Variants in B4GALT4 observed in about 807,000 individuals in gnomAD.
The protein encoded by B4GALT4 is beta-1,4-galactosyltransferase 4.
B4GALT4 carries 27 observed loss-of-function variants against 37.3 expected under a neutral mutation model. The observed-to-expected ratio is 0.72, with a 90% CI of 0.53 to 1.00. The LOEUF is 1.00. Ranked by LOEUF, B4GALT4 falls within the 50% of genes least tolerant of loss-of-function variation. B4GALT4 has a pLI of 0.00. For missense variants in B4GALT4, 372 were observed against 413.1 expected (o/e 0.90, Z 0.86); for synonymous variants, 148 against 154.1 (o/e 0.96, Z 0.29).
At chr3:119,229,094 T>C (rs1404573658) in intron 3 of B4GALT4, among the ~76,000 whole-genome samples, 2 of 152,052 alleles carry the variant, frequency 1.3e-5, no homozygotes, top group African/African-American at 4.8e-5. Context: ...ATTGAAAAAC[T>C]TACCTAGTCT....
chr3:119,216,357 T>TA lies in B4GALT4; in HGVS notation c.798-14dup, dbSNP rs2078290328. 2 of 1,602,034 alleles carry TA rather than the reference T, an allele frequency of 1.2e-6. No homozygotes were observed. Among genetic ancestry groups the TA allele is most frequent in the East Asian group, 2.2e-5 (1 of 44,762 alleles). ...TTGGAGCTCAACCCTAGAAAAATAA[T>TA]AGAGATTTTTTTAAAGTCCATCCTA... On this transcript the variant is annotated splice_polypyrimidine_tract_variant and intron_variant, in intron 6 of 7. Transcript: ENST00000393765.
intron 1 of B4GALT4, among the ~76,000 whole-genome samples, chr3:119,238,273 A>T (rs2079042984): frequency 6.6e-6 from 1 of 151,220 alleles, no homozygotes; most frequent in Non-Finnish European, 1.5e-5. Context: ...TAAAAAAAAA[A>T]AAAAAAAAAA....
In B4GALT4 at chr3:119,238,393, C is replaced by A. The variant is rs1230804765; in HGVS notation, c.-363-1323G>T. On this transcript the variant is annotated intron_variant, in intron 1 of 7. Coordinates refer to ENST00000393765, the MANE Select transcript of B4GALT4 (RefSeq NM_003778.4). ...TCTTAATTACAGTATTAGGAGAAAA[C>A]TTCTATTTCTTTTGTATCTTCTAAT... 2.6e-5 allele frequency among the ~76,000 whole-genome samples: 4 copies of A among 151,118 alleles called. No homozygotes were observed. In the East Asian group the frequency reaches 7.8e-4, roughly 29 times the overall value.
chr3:119,225,812 C>T (rs2078598874), intron 4 of B4GALT4, among the ~76,000 whole-genome samples: 1 of 152,134 alleles, frequency 6.6e-6, no homozygotes, highest in South Asian at 2.1e-4. Flanking sequence ...ATAACTATGA[C>T]CAACAACCTT....
intron 5 of B4GALT4, 114 bp from the exon 6 acceptor site, chr3:119,218,886 C>T: frequency 8.1e-7 from 1 of 1,234,942 alleles, no homozygotes; most frequent in African/African-American, 1.5e-5. Context: ...CCACCCACTC[C>T]TGCTTCTCCT....
chr3:119,235,967 G>GA (rs549351227), intron 2 of B4GALT4, among the ~76,000 whole-genome samples: 4 of 152,010 alleles, frequency 2.6e-5, no homozygotes, highest in South Asian at 2.1e-4. Flanking sequence ...GTGAGCGATG[G>GA]AAAAAAAATC....
intron 5 of B4GALT4, among the ~76,000 whole-genome samples, chr3:119,223,838 C>T (rs77771651): frequency 0.02 from 2,998 of 152,338 alleles, 52 homozygotes; most frequent in Non-Finnish European, 0.029. Flanking sequence ...TATTTCTCTC[C>T]AATGCTTTCC....
intron 5 of B4GALT4, among the ~76,000 whole-genome samples, chr3:119,220,448 G>A (rs868774301): frequency 8.5e-5 from 13 of 152,240 alleles, no homozygotes; most frequent in African/African-American, 2.2e-4. Flanking sequence ...ACGGGAATGC[G>A]GGAGCCCCGC....
intron 6 of B4GALT4, among the ~76,000 whole-genome samples, 159 bp from the exon 7 acceptor site, chr3:119,216,503 TA>T (rs1179200152): frequency 6.6e-6 from 1 of 151,594 alleles, no homozygotes; most frequent in African/African-American, 2.4e-5. Flanking sequence ...ATTGGAGTAT[TA>T]AAAAAAGAAA....
At chr3:119,224,707 C>T (rs2107499015) in intron 4 of B4GALT4, among the ~76,000 whole-genome samples, 1 of 152,192 alleles carries the variant, frequency 6.6e-6, no homozygotes, top group South Asian at 2.1e-4. Flanking sequence ...AATTTTACAT[C>T]GTGTGTTTCA....
At chr3:119,234,083 C>T (rs904926720) in intron 2 of B4GALT4, among the ~76,000 whole-genome samples, 2 of 152,132 alleles carry the variant, frequency 1.3e-5, no homozygotes, top group Non-Finnish European at 2.9e-5. Context: ...CACCCAAGTA[C>T]ACTGTTATAT....
chr3:119,218,749 C>A lies in B4GALT4; in HGVS notation c.698G>T (p.Gly233Val). 6.2e-7 allele frequency: 1 copy of A among 1,614,086 alleles called. No individual in the cohort carries two copies. Among genetic ancestry groups the A allele is most frequent in the Non-Finnish European group, 8.5e-7 (1 of 1,179,986 alleles). ...CTCTCTGCTTAGGGCAGTAACACCCCCAAAATATCCACTGTAACGTAACCT... is the reference window on the plus strand; with the variant it reads ...CTCTCTGCTTAGGGCAGTAACACCCACAAAATATCCACTGTAACGTAACCT... Reference protein sequence around the residue: ...GYRLRYSGYFGGVTALSREQF... With the variant: ...GYRLRYSGYFVGVTALSREQF... Residue 233 changes from glycine to valine, a missense_variant, in exon 6 of 8, where the codon GGG becomes GTG. By Grantham distance (109) the Gly-to-Val change is moderately radical. Transcript: ENST00000393765.
chr3:119,220,575 G>A (rs773277242), intron 5 of B4GALT4, among the ~76,000 whole-genome samples: 2 of 152,200 alleles, frequency 1.3e-5, no homozygotes, highest in Non-Finnish European at 2.9e-5. Flanking sequence ...AAAAATGGGG[G>A]ATCTCCTGGT....
chr3:119,216,594 T>C (rs1038521895), intron 6 of B4GALT4, among the ~76,000 whole-genome samples: 1 of 152,214 alleles, frequency 6.6e-6, no homozygotes, highest in Non-Finnish European at 1.5e-5. Flanking sequence ...CAGCATTTAT[T>C]ACTGGGGTAC....
chr3:119,226,409 C>T (rs1187176093), intron 4 of B4GALT4: 1 of 184,492 alleles, frequency 5.4e-6, no homozygotes, highest in African/African-American at 2.4e-5. Context: ...CTTTCAAATC[C>T]TCTGTCTAGA....
At chr3:119,231,992 A>G (rs1037015982) in intron 2 of B4GALT4, among the ~76,000 whole-genome samples, 1 of 151,966 alleles carries the variant, frequency 6.6e-6, no homozygotes, top group African/African-American at 2.4e-5. Flanking sequence ...GAGAGGCAGT[A>G]AGTAACTGTA....
chr3:119,222,549 C>T (rs907086626), intron 5 of B4GALT4, among the ~76,000 whole-genome samples: 2 of 152,140 alleles, frequency 1.3e-5, no homozygotes, highest in Non-Finnish European at 2.9e-5. Context: ...CCAGCTGTAA[C>T]GTGTCAACAG....
At chr3:119,222,932 CA>C (rs1280296398) in intron 5 of B4GALT4, among the ~76,000 whole-genome samples, 1 of 152,204 alleles carries the variant, frequency 6.6e-6, no homozygotes, top group Non-Finnish European at 1.5e-5. Context: ...CAGTCACCTA[CA>C]TCAATGTTAC....
rs1239982686 is a variant in B4GALT4, at chr3:119,226,921, G to C, written c.374C>G (p.Ala125Gly). 7.4e-6 allele frequency: 12 copies of C among 1,614,054 alleles called. No homozygotes were observed. Among genetic ancestry groups the C allele is most frequent in the Non-Finnish European group, 1.0e-5 (12 of 1,180,046 alleles). Residue 125 changes from alanine (A) to glycine (G), a missense_variant, in exon 4 of 8, where the codon GCC (alanine) becomes GGC (glycine). Ala to Gly is a moderately conservative substitution (Grantham distance 60, BLOSUM62 0). Transcript: ENST00000393765. ...TCTGTTCCGGTGGGGAACGAGGATG[G>C]CGACCCTCTGTAAAGCTTTACATTC... ...PQECKALQRV[A>G]ILVPHRNREK...
Sources: gnomAD v4.1 joint callset for allele counts (sites outside exome capture counted in the v4.1 genomes callset) on GRCh38, gnomAD v4.1.1 for gene constraint, MANE v1.5 for transcripts, NCBI Gene and HGNC (gene_info 2026-07-23, HGNC 2026-07-21) for gene names.